DLG2: variants seen among roughly 807,000 people sequenced by gnomAD.
The protein encoded by DLG2 is discs large MAGUK scaffold protein 2.
A neutral mutation model predicts 132.5 loss-of-function variants in DLG2; 45 were observed. The observed-to-expected ratio is 0.34, with a 90% CI of 0.27 to 0.44. DLG2 has a LOEUF of 0.44. Among genes scored for constraint, DLG2 ranks in the 20% least tolerant of loss-of-function variants. The probability of loss-of-function intolerance (pLI) is 1.00; values close to 1 mark genes in which losing one functional copy is unlikely to be tolerated. For missense variants in DLG2, 1,045 were observed against 1,196.9 expected, an observed-to-expected ratio of 0.87 and a Z score of 1.87; for synonymous variants, 424 against 419.6, an observed-to-expected ratio of 1.01 and a Z score of -0.13.
intron 9 of DLG2, among the ~76,000 whole-genome samples, chr11:84,109,347 T>G (rs754971591): frequency 1.3e-5 from 2 of 152,164 alleles, no homozygotes; most frequent in Non-Finnish European, 2.9e-5. Flanking sequence ...TGGGCTTTCC[T>G]GGAGAAACTA....
At chr11:84,255,880 C>G (rs927513352) in intron 7 of DLG2, among the ~76,000 whole-genome samples, 11 of 151,958 alleles carry the variant, frequency 7.2e-5, no homozygotes, top group African/African-American at 2.4e-4. Flanking sequence ...AACTATGAAG[C>G]CTTTTTTTGT....
At chr11:83,594,095 A>T (rs1466724716) in intron 19 of DLG2, among the ~76,000 whole-genome samples, 1 of 152,238 alleles carries the variant, frequency 6.6e-6, no homozygotes, top group African/African-American at 2.4e-5. Context: ...TGGCTTGCCA[A>T]ATACTGATCT....
chr11:84,085,932 G>A lies in DLG2; in HGVS notation c.749+12991C>T, dbSNP rs1169988151. 2.0e-5 allele frequency among the ~76,000 whole-genome samples: 3 copies of A among 152,094 alleles called. No individual in the cohort carries two copies. The East Asian group carries it at 5.8e-4, about 29-fold the overall frequency. ...CTGAATTAATCCCCTAAATTGTAAA[G>A]CATATCAATAATTTGGTTTTGACTT... On this transcript the variant is annotated intron_variant, in intron 10 of 27. Coordinates refer to ENST00000376104, the MANE Select transcript of DLG2 (RefSeq NM_001142699.3).
chr11:83,538,183 T>C (rs921094725), intron 20 of DLG2, among the ~76,000 whole-genome samples: 3 of 152,208 alleles, frequency 2.0e-5, no homozygotes, highest in Admixed American at 2.0e-4. Context: ...CTGCCCATAA[T>C]GTCACTTCTC....
At chr11:84,198,542 G>A (rs1211362889) in intron 8 of DLG2, among the ~76,000 whole-genome samples, 3 of 152,052 alleles carry the variant, frequency 2.0e-5, no homozygotes, top group Non-Finnish European at 4.4e-5. Context: ...TATTTACCAG[G>A]TAATGTAATG....
chr11:85,211,270 G>C (rs375596369), intron 4 of DLG2, among the ~76,000 whole-genome samples: 2 of 152,072 alleles, frequency 1.3e-5, no homozygotes, highest in African/African-American at 4.8e-5. Flanking sequence ...AGTAGATCAA[G>C]GGTCTAGTGG....
intron 6 of DLG2, among the ~76,000 whole-genome samples, chr11:84,609,586 C>T (rs1400973503): frequency 1.3e-5 from 2 of 151,986 alleles, no homozygotes; most frequent in South Asian, 4.2e-4. Flanking sequence ...CTCCAACTGC[C>T]GATGATTAAC....
intron 3 of DLG2, among the ~76,000 whole-genome samples, chr11:85,358,126 G>GA (rs2083881941): frequency 6.6e-6 from 1 of 151,766 alleles, no homozygotes; most frequent in Middle Eastern, 3.4e-3. Context: ...AGAGAAGAAG[G>GA]AAAAAAATGA....
chr11:84,609,350 A>G (rs1326983625), intron 6 of DLG2, among the ~76,000 whole-genome samples: 1 of 152,204 alleles, frequency 6.6e-6, no homozygotes, highest in Non-Finnish European at 1.5e-5. Flanking sequence ...TTACTTGAGA[A>G]GTAGTAATAA....
At chr11:85,295,213 A>T (rs1033850399) in intron 3 of DLG2, among the ~76,000 whole-genome samples, 1 of 152,140 alleles carries the variant, frequency 6.6e-6, no homozygotes, top group East Asian at 1.9e-4. Context: ...TTTACCATGT[A>T]AATTCTACAA....
intron 18 of DLG2, chr11:83,652,133 T>C (rs1013633904): frequency 3.6e-6 from 1 of 281,350 alleles, no homozygotes; most frequent in African/African-American, 2.2e-5. Flanking sequence ...GATGTTATTT[T>C]GTGTTTTTTT....
chr11:83,695,944 G>C (rs1447980956), intron 18 of DLG2, among the ~76,000 whole-genome samples: 1 of 152,116 alleles, frequency 6.6e-6, no homozygotes, highest in African/African-American at 2.4e-5. Context: ...ACAGACTGAG[G>C]AGAGAAATGA....
intron 20 of DLG2, among the ~76,000 whole-genome samples, chr11:83,539,789 T>C (rs2096007126): frequency 6.6e-6 from 1 of 152,134 alleles, no homozygotes; most frequent in South Asian, 2.1e-4. Flanking sequence ...GATGGTTCTC[T>C]TCCAAAATAA....
chr11:83,757,909 C>T (rs969429603), intron 18 of DLG2, among the ~76,000 whole-genome samples: 1 of 152,186 alleles, frequency 6.6e-6, no homozygotes, highest in African/African-American at 2.4e-5. Flanking sequence ...ATCAGAACAA[C>T]TGCACTGAGT....
intron 3 of DLG2, among the ~76,000 whole-genome samples, chr11:85,402,253 A>G (rs1259219385): frequency 6.6e-6 from 1 of 152,222 alleles, no homozygotes; most frequent in Non-Finnish European, 1.5e-5. Flanking sequence ...AGGATTCTCT[A>G]TTTAATAAAT....
intron 6 of DLG2, among the ~76,000 whole-genome samples, chr11:84,820,118 A>C (rs886770299): frequency 6.6e-6 from 1 of 151,378 alleles, no homozygotes; most frequent in African/African-American, 2.4e-5. Flanking sequence ...ATTAAATACA[A>C]CTGCAATTAA....
intron 3 of DLG2, among the ~76,000 whole-genome samples, chr11:85,447,257 A>G (rs916940213): frequency 6.6e-6 from 1 of 152,176 alleles, no homozygotes; most frequent in Admixed American, 6.5e-5. Flanking sequence ...ACTATGATGA[A>G]AAACACATTT....
chr11:84,716,012 A>G (rs1330679215), intron 6 of DLG2, among the ~76,000 whole-genome samples: 2 of 152,044 alleles, frequency 1.3e-5, no homozygotes, highest in African/African-American at 4.8e-5. Context: ...TATCACACTA[A>G]TTTACATTCT....
chr11:84,452,376 T>C (rs12274138), intron 7 of DLG2, among the ~76,000 whole-genome samples: 25,444 of 151,610 alleles, frequency 0.17, 2,698 homozygotes, highest in South Asian at 0.25. Flanking sequence ...GCTTTTGCTA[T>C]GAATGAGACA....
Sources: gnomAD v4.1 joint callset for allele counts (sites outside exome capture counted in the v4.1 genomes callset) on GRCh38, gnomAD v4.1.1 for gene constraint, MANE v1.5 for transcripts, NCBI Gene and HGNC (gene_info 2026-07-23, HGNC 2026-07-21) for gene names.